Variants in AMTN observed in about 807,000 individuals in gnomAD.
The protein encoded by AMTN is amelotin.
A neutral mutation model predicts 27.4 loss-of-function variants in AMTN; 29 were observed. The observed-to-expected ratio is 1.06, with a 90% CI of 0.79 to 1.44. The LOEUF is 1.44. AMTN is among the 40% of genes most tolerant of loss of function. AMTN has a pLI of 0.00. For missense variants in AMTN, 247 were observed against 248.8 expected, an observed-to-expected ratio of 0.99 and a Z score of 0.05; for synonymous variants, 86 against 95.7, an observed-to-expected ratio of 0.90 and a Z score of 0.59.
chr4:70,531,226 T>C lies in AMTN; in HGVS notation c.545T>C (p.Phe182Ser). 1 of 1,613,954 alleles carries C rather than the reference T, an allele frequency of 6.2e-7. No individual in the cohort carries two copies. The highest frequency in any genetic ancestry group is 8.5e-7 in the Non-Finnish European group (1 of 1,179,966). ...ACTCCCAGTGGCACAGATGACGACT[T>C]TGCAGTGACCACCCCTGCAGGCATC... ...LPTPSGTDDD[F>S]AVTTPAGIQR... is the part of the protein sequence containing the mutation. Residue 182 changes from phenylalanine to serine, a missense_variant, in exon 8 of 9, where the codon TTT becomes TCT. Phe to Ser is a radical substitution (Grantham distance 155, BLOSUM62 -2). Coordinates refer to ENST00000339336, the MANE Select transcript of AMTN (RefSeq NM_212557.4).
chr4:70,518,794 T>C lies in AMTN; in HGVS notation c.17T>C (p.Leu6Pro), dbSNP rs1419429122. 3.7e-6 allele frequency: 6 copies of C among 1,608,392 alleles called. No individual in the cohort carries two copies. The highest frequency in any genetic ancestry group is 4.3e-6 in the Non-Finnish European group (5 of 1,174,810). MRSTILLFCLLGSTRS... is the reference protein window; with the variant it reads MRSTIPLFCLLGSTRS... ...ATCTGAAACATGAGGAGTACGATTCTACTGTTTTGTCTTCTAGGATCAACT... is the reference window on the plus strand; with the variant it reads ...ATCTGAAACATGAGGAGTACGATTCCACTGTTTTGTCTTCTAGGATCAACT... Residue 6 changes from leucine to proline, a missense_variant, in exon 2 of 9, where the codon CTA becomes CCA. By Grantham distance (98) the Leu-to-Pro change is moderately conservative. Transcript: ENST00000339336.
intron 5 of AMTN, among the ~76,000 whole-genome samples, chr4:70,526,099 T>C (rs1736094686): frequency 6.6e-6 from 1 of 152,156 alleles, no homozygotes; most frequent in African/African-American, 2.4e-5. Flanking sequence ...ATTTAGGAAA[T>C]GTAAATTTTC....
At chr4:70,526,895 C>T (rs1365224262) in intron 5 of AMTN, among the ~76,000 whole-genome samples, 1 of 152,150 alleles carries the variant, frequency 6.6e-6, no homozygotes, top group Non-Finnish European at 1.5e-5. Context: ...ACCTGACCTT[C>T]CCCTGGGCAG....
intron 2 of AMTN, 147 bp from the exon 3 acceptor site, chr4:70,522,608 C>T: frequency 1.3e-6 from 1 of 790,166 alleles, no homozygotes; most frequent in Admixed American, 1.9e-5. Context: ...CTACCATGCA[C>T]ATAATGTTTC....
At position 70,522,798 on chromosome 4, in the gene AMTN, C is replaced by T. The variant is rs199658784; in HGVS notation, c.98C>T (p.Pro33Leu). ...GGACTCCCTCCCACAAAACTGGCTC[C>T]GGATCAGGGAACACTACCAAACCAA... ...ALGLPPTKLA[P>L]DQGTLPNQQQ... The change falls in exon 3 of 9, where the codon CCG becomes CTG. Residue 33 changes from proline (P) to leucine (L), a missense_variant. Transcript: ENST00000339336. 186 of 1,613,990 alleles carry T rather than the reference C, an allele frequency of 1.2e-4. No individual in the cohort carries two copies. The highest frequency in any genetic ancestry group is 1.4e-4 in the Non-Finnish European group (170 of 1,179,910).
chr4:70,519,026 T>A (rs1735884779), intron 2 of AMTN, among the ~76,000 whole-genome samples, 195 bp downstream of exon 2: 1 of 152,202 alleles, frequency 6.6e-6, no homozygotes, highest in Non-Finnish European at 1.5e-5. Flanking sequence ...GTACTTGCAT[T>A]TTTTTAAATG....
intron 5 of AMTN, 51 bp from the exon 6 acceptor site, chr4:70,528,672 T>C: frequency 6.5e-7 from 1 of 1,530,228 alleles, no homozygotes. Context: ...TCAGTATTTA[T>C]ACCATCTTCC....
At chr4:70,527,854 A>G (rs1351335568) in intron 5 of AMTN, among the ~76,000 whole-genome samples, 1 of 152,202 alleles carries the variant, frequency 6.6e-6, no homozygotes, top group Non-Finnish European at 1.5e-5. Flanking sequence ...TGTGAACTAA[A>G]TTTATAATAT....
intron 7 of AMTN, 32 bp from the exon 8 acceptor site, chr4:70,531,007 A>G (rs1736206640): frequency 6.2e-7 from 1 of 1,610,448 alleles, no homozygotes; most frequent in South Asian, 1.1e-5. Flanking sequence ...GTTGCTTTTA[A>G]CTTTGTTTTC....
intron 4 of AMTN, 141 bp downstream of exon 4, chr4:70,524,074 A>AGAGAG: frequency 1.6e-6 from 1 of 638,124 alleles, no homozygotes; most frequent in Admixed American, 2.9e-5. Context: ...ATAAGTTGAA[A>AGAGAG]GAGAGGAGAG....
chr4:70,531,272 C>T lies in AMTN; in HGVS notation c.591C>T (p.Ile197=), dbSNP rs17676820. The T allele has an allele frequency of 0.41, 667,237 of 1,613,450 alleles. 143,577 individuals are homozygous for T. Among genetic ancestry groups the T allele is most frequent in the Admixed American group, 0.46 (27,816 of 59,970 alleles). ...PAGIQRSTHA[I]EEATTESANG... ...GCATCCAAAGGAGCACACATGCCATCGAGGAAGCCACCACAGAATCAGCAA... is the reference window on the plus strand; with the variant it reads ...GCATCCAAAGGAGCACACATGCCATTGAGGAAGCCACCACAGAATCAGCAA... Residue 197 remains isoleucine, a synonymous_variant, in exon 8 of 9, where the codon ATC becomes ATT. Transcript: ENST00000339336.
At chr4:70,525,851 G>A (rs918224053) in intron 5 of AMTN, among the ~76,000 whole-genome samples, 34 of 152,092 alleles carry the variant, frequency 2.2e-4, no homozygotes, top group African/African-American at 7.0e-4. Context: ...AGTGAGCAGC[G>A]ATTGTGTCAC....
At chr4:70,520,059 G>GAA (rs1187166558) in intron 2 of AMTN, among the ~76,000 whole-genome samples, 2 of 103,770 alleles carry the variant, frequency 1.9e-5, no homozygotes, top group Non-Finnish European at 4.1e-5. Context: ...TACATTGACC[G>GAA]AAAGATTCTT....
intron 5 of AMTN, among the ~76,000 whole-genome samples, chr4:70,527,761 TC>T (rs1329062610): frequency 6.6e-6 from 1 of 152,246 alleles, no homozygotes; most frequent in Non-Finnish European, 1.5e-5. Flanking sequence ...ACCTTAGCTT[TC>T]TTTGACAAAC....
At chr4:70,523,765 C>T in intron 3 of AMTN, 103 bp from the exon 4 acceptor site, 2 of 1,002,024 alleles carry the variant, frequency 2.0e-6, no homozygotes, top group Non-Finnish European at 3.1e-6. Context: ...CATGGTAAAC[C>T]CACCTCTGAC....
At chr4:70,523,726 G>A (rs1051033244) in intron 3 of AMTN, 142 bp from the exon 4 acceptor site, 27 of 683,768 alleles carry the variant, frequency 3.9e-5, no homozygotes, top group African/African-American at 3.0e-4. Flanking sequence ...GCTAGTGAGA[G>A]GCCCCGAGGC....
In AMTN at chr4:70,529,725, G is replaced by A. The variant is rs187301545; in HGVS notation, c.357+515G>A. Among the ~76,000 whole-genome samples, 619 of 152,184 alleles carry A rather than the reference G, an allele frequency of 4.1e-3. 6 individuals carry two copies. The highest frequency in any genetic ancestry group is 4.4e-3 in the Non-Finnish European group (300 of 68,014). ...TATCACCATTGCTAAACACTTCTAT[G>A]CATTCCTCCATAGGTCCTTTTCTAG... On this transcript the variant is annotated intron_variant, in intron 7 of 8. Transcript: ENST00000339336.
chr4:70,522,949 C>G (rs17149005), intron 3 of AMTN, 111 bp downstream of exon 3: 8 of 1,029,260 alleles, frequency 7.8e-6, no homozygotes, highest in Non-Finnish European at 1.2e-5. Flanking sequence ...TCAAAATTTA[C>G]ATGAAGACTG....
chr4:70,529,627 G>C (rs1288233227), intron 7 of AMTN, among the ~76,000 whole-genome samples: 1 of 152,090 alleles, frequency 6.6e-6, no homozygotes, highest in African/African-American at 2.4e-5. Context: ...TCTTTTTCCA[G>C]CGTCAGATAG....
Sources: gnomAD v4.1 joint callset for allele counts (sites outside exome capture counted in the v4.1 genomes callset) on GRCh38, gnomAD v4.1.1 for gene constraint, MANE v1.5 for transcripts, NCBI Gene and HGNC (gene_info 2026-07-23, HGNC 2026-07-21) for gene names.